IFNLR1: variants seen among roughly 807,000 people sequenced by gnomAD.
The protein encoded by IFNLR1 is interferon lambda receptor 1, also known as CRF2-12.
IFNLR1 carries 28 observed loss-of-function variants against 52.5 expected under a neutral mutation model. That is an observed-to-expected ratio of 0.53 (90% CI 0.40 to 0.73). IFNLR1 has a LOEUF of 0.73. IFNLR1 is among the 30% of genes least tolerant of loss of function. IFNLR1 has a pLI of 0.00. For missense variants in IFNLR1, 623 were observed against 659.1 expected (o/e 0.95, Z 0.60); for synonymous variants, 276 against 274.9 (o/e 1.00, Z -0.04).
chr1:24,176,562 CT>C (rs1644635159), intron 2 of IFNLR1, among the ~76,000 whole-genome samples: 1 of 152,190 alleles, frequency 6.6e-6, no homozygotes, highest in African/African-American at 2.4e-5. Flanking sequence ...GAAATGTGCG[CT>C]CTTAGCTACA....
intron 1 of IFNLR1, among the ~76,000 whole-genome samples, chr1:24,183,961 C>T (rs1020153467): frequency 6.6e-6 from 1 of 152,166 alleles, no homozygotes; most frequent in African/African-American, 2.4e-5. Context: ...AACTCCTGAC[C>T]TCAGGTGATC....
chr1:24,165,801 G>A (rs746155810), intron 3 of IFNLR1, among the ~76,000 whole-genome samples: 16 of 152,284 alleles, frequency 1.1e-4, no homozygotes, highest in Non-Finnish European at 1.8e-4. Flanking sequence ...TAGGTATCAA[G>A]CTTCAGGAAG....
chr1:24,157,079 C>T lies in IFNLR1; in HGVS notation c.*51G>A. ...TGAGTTTCTTGGGAAGCCCAGTAGT[C>T]CTTGCAAAGGCAGCAGCAGCATCAG... is the stretch of plus-strand genomic sequence containing the variant. On this transcript the variant is annotated 3_prime_UTR_variant, in exon 7 of 7. Transcript: ENST00000327535. The surrounding 1 kb of genome is among the most constrained non-coding windows in gnomAD (Gnocchi z 5.1). 6.4e-7 allele frequency: 1 copy of T among 1,554,770 alleles called. No homozygotes were observed. The highest frequency in any genetic ancestry group is 8.7e-7 in the Non-Finnish European group (1 of 1,152,054).
At chr1:24,177,201 T>C (rs1430288239) in intron 2 of IFNLR1, among the ~76,000 whole-genome samples, 2 of 152,090 alleles carry the variant, frequency 1.3e-5, no homozygotes, top group South Asian at 2.1e-4. Flanking sequence ...ACAGAACTAA[T>C]AGGTTATACG....
intron 2 of IFNLR1, among the ~76,000 whole-genome samples, chr1:24,170,418 T>C (rs1376337729): frequency 6.6e-6 from 1 of 152,202 alleles, no homozygotes; most frequent in African/African-American, 2.4e-5. Flanking sequence ...TGGGGTGCAG[T>C]GGCATGATCT....
At chr1:24,184,039 G>A (rs7530241) in intron 1 of IFNLR1, among the ~76,000 whole-genome samples, 151,917 of 152,272 alleles carry the variant, frequency 1, 75,781 homozygotes, top group East Asian at 1. Context: ...CTAAACTCCA[G>A]AGTCTTTACA....
intron 2 of IFNLR1, among the ~76,000 whole-genome samples, chr1:24,173,658 T>C (rs1644603569): frequency 7.0e-6 from 1 of 143,858 alleles, no homozygotes; most frequent in African/African-American, 2.5e-5. Flanking sequence ...CCTCTCTCTC[T>C]TTTTTTTAGA....
intron 1 of IFNLR1, among the ~76,000 whole-genome samples, chr1:24,183,519 C>T (rs2148604629): frequency 6.6e-6 from 1 of 152,264 alleles, no homozygotes; most frequent in Non-Finnish European, 1.5e-5. Context: ...CCCAGGAGTT[C>T]AAGGCTGCCG....
rs151091609 is a variant in IFNLR1, at chr1:24,181,826, G to T, written c.59-972C>A. Among the ~76,000 whole-genome samples the T allele has an allele frequency of 1.9e-4, 29 of 152,246 alleles. 1 individual carries two copies. Among genetic ancestry groups the T allele is most frequent in the African/African-American group, 6.7e-4 (28 of 41,560 alleles). ...TGGATCAGACAAGAGTCACAGGGAC[G>T]TCTGCCAGTATAAACAAGTGTGAAG... On this transcript the variant is annotated intron_variant, in intron 1 of 6. Transcript: ENST00000327535.
At chr1:24,162,724 T>TTTTCTTTCTTTCTTTC (rs869032994) in intron 3 of IFNLR1, among the ~76,000 whole-genome samples, 9 of 32,468 alleles carry the variant, frequency 2.8e-4, no homozygotes, top group Admixed American at 2.4e-3. Flanking sequence ...TCTTTCTTTC[T>TTTTCTTTCTTTCTTTC]TTTCTTTCTT....
intron 2 of IFNLR1, among the ~76,000 whole-genome samples, chr1:24,171,264 A>C (rs1336660614): frequency 7.9e-6 from 1 of 126,496 alleles, no homozygotes; most frequent in Non-Finnish European, 1.5e-5. Flanking sequence ...TAAATACATA[A>C]ATAAATAAAG....
intron 3 of IFNLR1, among the ~76,000 whole-genome samples, chr1:24,167,191 A>T (rs1223580416): frequency 6.6e-6 from 1 of 152,268 alleles, no homozygotes; most frequent in South Asian, 2.1e-4. Context: ...GACTTATATC[A>T]GTGGCCCCTC....
intron 4 of IFNLR1, 118 bp downstream of exon 4, chr1:24,161,424 G>A: frequency 1.7e-6 from 2 of 1,165,248 alleles, no homozygotes; most frequent in Non-Finnish European, 2.5e-6. Flanking sequence ...AGTCAGGAGT[G>A]TACAGGGAAG....
Position 24,159,593 on chromosome 1 carries a change from A to T in IFNLR1, c.551T>A (p.Ile184Asn). 6.2e-7 allele frequency: 1 copy of T among 1,614,072 alleles called. No homozygotes were observed. The highest frequency in any genetic ancestry group is 1.7e-5 in the Admixed American group (1 of 60,008). ...TTCGCTGGCAGCTGGCTGGAGAGTG[A>T]TCTGGACTGGCTGGCCATGGGGAGT... ...PVTPHGQPVQ[I>N]TLQPAASEHH... The change falls in exon 5 of 7, where the codon ATC becomes AAC. Residue 184 changes from isoleucine (I) to asparagine (N), a missense_variant. By Grantham distance (149) the Ile-to-Asn change is moderately radical. Coordinates refer to ENST00000327535, the MANE Select transcript of IFNLR1 (RefSeq NM_170743.4).
chr1:24,163,249 A>G (rs1644483711), intron 3 of IFNLR1, among the ~76,000 whole-genome samples: 1 of 151,966 alleles, frequency 6.6e-6, no homozygotes, highest in Admixed American at 6.6e-5. Flanking sequence ...CCTGGCCAGA[A>G]CTCACTTTTT....
Position 24,187,272 on chromosome 1 carries a change from G to A in IFNLR1, c.-24C>T, listed in dbSNP as rs756907507. The A allele has an allele frequency of 1.4e-5, 17 of 1,238,902 alleles. No homozygotes were observed. In the South Asian group the frequency reaches 3.3e-4, roughly 24 times the overall value. The allele number at this position is 1,238,902 out of a possible 1,614,324, so 76.7% of individuals were successfully genotyped here. A position where few individuals can be genotyped will look rare whatever the true frequency, so the allele number is the denominator to read the frequency against. On this transcript the variant is annotated 5_prime_UTR_variant, in exon 1 of 7. Transcript: ENST00000327535. ...ATGGCCTTCCTGCCGCGGCGTCCCC[G>A]CCCGGGCCCAGGTCCCCGCCTCCCG...
rs187804637 is a variant in IFNLR1, at chr1:24,163,056, A to G, written c.368-1372T>C. Among the ~76,000 whole-genome samples the G allele has an allele frequency of 4.5e-4, 62 of 137,860 alleles. 2 individuals carry two copies. In the Admixed American group the frequency reaches 4.8e-3, roughly 11 times the overall value. The allele number at this position is 137,860 out of a possible 152,430, so 90.4% of individuals were successfully genotyped here. A position where few individuals can be genotyped will look rare whatever the true frequency, so the allele number is the denominator to read the frequency against. ...GCTCACTGCAACCTCTGCCTCCCGG[A>G]TTCATGCGATCCTCCTGCTTCGGCC... On this transcript the variant is annotated intron_variant, in intron 3 of 6. Transcript: ENST00000327535.
At position 24,180,812 on chromosome 1, in the gene IFNLR1, G is replaced by T; in HGVS notation, c.101C>A (p.Ser34Tyr). The change falls in exon 2 of 7, where the codon TCC (serine) becomes TAC (tyrosine). Residue 34 changes from serine (S) to tyrosine (Y), a missense_variant. Coordinates refer to ENST00000327535, the MANE Select transcript of IFNLR1 (RefSeq NM_170743.4). ...TGTCAGGTACACGCTGAAGTTCTGGGAGAGCAGCGTCACATTCTGGGGAGG... is the reference window on the plus strand; with the variant it reads ...TGTCAGGTACACGCTGAAGTTCTGGTAGAGCAGCGTCACATTCTGGGGAGG... ...LAPPQNVTLL[S>Y]QNFSVYLTWL... 6.2e-7 allele frequency: 1 copy of T among 1,614,006 alleles called. No homozygotes were observed. The highest frequency in any genetic ancestry group is 1.3e-5 in the African/African-American group (1 of 75,046).
intron 1 of IFNLR1, among the ~76,000 whole-genome samples, chr1:24,181,922 G>A (rs1200392766): frequency 1.3e-5 from 2 of 152,178 alleles, no homozygotes. Context: ...TCATGGGCCG[G>A]GCGCAGTGGC....
Sources: allele counts gnomAD v4.1 joint callset (sites outside exome capture counted in the v4.1 genomes callset), GRCh38; gene constraint gnomAD v4.1.1; non-coding constraint Gnocchi (gnomAD v3.1); transcripts MANE v1.5; gene names NCBI Gene and HGNC (gene_info 2026-07-23, HGNC 2026-07-21).